The following CADM1 variants were observed in gnomAD, a reference collection of about 807,000 sequenced individuals.
The protein encoded by CADM1 is TSLC-1.
In CADM1, 15 loss-of-function variants were observed where a neutral mutation model predicts 53.1. That is an observed-to-expected ratio of 0.28 (90% CI 0.19 to 0.44). The LOEUF (loss-of-function observed/expected upper bound fraction) is 0.44. Ranked by LOEUF, CADM1 falls within the 20% of genes least tolerant of loss-of-function variation. The pLI, the probability that CADM1 is intolerant of heterozygous loss-of-function variation, is 1.00. For synonymous variants in CADM1, 281 were observed against 243.0 expected, an observed-to-expected ratio of 1.16 and a Z score of -1.45; for missense variants, 434 against 611.3, an observed-to-expected ratio of 0.71 and a Z score of 3.06.
chr11:115,282,671 C>G (rs1943619774), intron 1 of CADM1, among the ~76,000 whole-genome samples: 1 of 152,112 alleles, frequency 6.6e-6, no homozygotes, highest in South Asian at 2.1e-4. Flanking sequence ...AGACAGATGA[C>G]CAAGGCAGCT....
chr11:115,362,244 G>A (rs951601579), intron 1 of CADM1, among the ~76,000 whole-genome samples: 4 of 152,050 alleles, frequency 2.6e-5, no homozygotes, highest in African/African-American at 9.7e-5. Flanking sequence ...GAAGCACTTA[G>A]TATAAAATAA....
chr11:115,487,633 T>C (rs1949405658), intron 1 of CADM1, among the ~76,000 whole-genome samples: 1 of 152,184 alleles, frequency 6.6e-6, no homozygotes, highest in Admixed American at 6.5e-5. Flanking sequence ...GAATGGAATA[T>C]AATGCTTGAG....
At chr11:115,213,646 G>C (rs915766625) in intron 7 of CADM1, among the ~76,000 whole-genome samples, 1 of 152,058 alleles carries the variant, frequency 6.6e-6, no homozygotes, top group Non-Finnish European at 1.5e-5. Flanking sequence ...TATTTCAAAG[G>C]TATAATTTAT....
At chr11:115,255,125 G>A (rs182010160) in intron 1 of CADM1, among the ~76,000 whole-genome samples, 39 of 152,228 alleles carry the variant, frequency 2.6e-4, no homozygotes, top group African/African-American at 7.2e-4. Flanking sequence ...GAGGTCAGGC[G>A]CACGGGCTTT....
chr11:115,407,366 T>G (rs1180120877), intron 1 of CADM1, among the ~76,000 whole-genome samples: 1 of 152,104 alleles, frequency 6.6e-6, no homozygotes, highest in Non-Finnish European at 1.5e-5. Context: ...GCTGGATGAG[T>G]TCAATGCAAA....
intron 1 of CADM1, among the ~76,000 whole-genome samples, chr11:115,437,488 C>T (rs535410228): frequency 9.8e-5 from 15 of 152,298 alleles, no homozygotes; most frequent in African/African-American, 3.6e-4. Flanking sequence ...AAAAACAAAT[C>T]AGCGCAGGAA....
chr11:115,260,738 T>C (rs945529199), intron 1 of CADM1, among the ~76,000 whole-genome samples: 3 of 152,152 alleles, frequency 2.0e-5, no homozygotes. Flanking sequence ...AGTGGCACGA[T>C]CTTGGCTCAC....
At chr11:115,486,803 C>T (rs746117243) in intron 1 of CADM1, among the ~76,000 whole-genome samples, 18 of 152,178 alleles carry the variant, frequency 1.2e-4, no homozygotes, top group Non-Finnish European at 1.9e-4. Flanking sequence ...CTTCTCACCT[C>T]TTTCTCAATA....
At chr11:115,228,678 T>C (rs1479873228) in intron 5 of CADM1, among the ~76,000 whole-genome samples, 2 of 152,126 alleles carry the variant, frequency 1.3e-5, no homozygotes, top group South Asian at 4.1e-4. Context: ...TTTCAACTCA[T>C]TGCTCTAATT....
At chr11:115,350,515 T>C (rs1565380667) in intron 1 of CADM1, among the ~76,000 whole-genome samples, 1 of 150,546 alleles carries the variant, frequency 6.6e-6, no homozygotes, top group East Asian at 1.9e-4. Context: ...TTTTCTTTTT[T>C]TTTTTTTTAA....
chr11:115,278,943 A>T (rs1178421903), intron 1 of CADM1, among the ~76,000 whole-genome samples: 2 of 152,208 alleles, frequency 1.3e-5, no homozygotes, highest in Non-Finnish European at 2.9e-5. Flanking sequence ...ACTGCCGAAG[A>T]TGGGAAGCCT....
At chr11:115,484,895 C>T (rs1287239034) in intron 1 of CADM1, among the ~76,000 whole-genome samples, 1 of 150,042 alleles carries the variant, frequency 6.7e-6, no homozygotes, top group Non-Finnish European at 1.5e-5. Flanking sequence ...TGCAGTAAGC[C>T]GAGATTATGC....
At chr11:115,208,540 C>A (rs1940804084) in intron 8 of CADM1, among the ~76,000 whole-genome samples, 1 of 152,126 alleles carries the variant, frequency 6.6e-6, no homozygotes, top group Admixed American at 6.5e-5. Context: ...ATAAAGAAGT[C>A]CAGAGACAGG....
chr11:115,333,030 G>T (rs1040574603), intron 1 of CADM1, among the ~76,000 whole-genome samples: 2 of 152,038 alleles, frequency 1.3e-5, no homozygotes, highest in Non-Finnish European at 2.9e-5. Flanking sequence ...AGACTAGAAC[G>T]TCCAATTGCT....
intron 1 of CADM1, among the ~76,000 whole-genome samples, chr11:115,374,584 A>G (rs1196326784): frequency 1.3e-5 from 2 of 152,282 alleles, no homozygotes; most frequent in East Asian, 1.9e-4. Flanking sequence ...CTGACATCAC[A>G]TGCATACAAA....
At chr11:115,280,766 C>A (rs908810169) in intron 1 of CADM1, among the ~76,000 whole-genome samples, 1 of 152,194 alleles carries the variant, frequency 6.6e-6, no homozygotes, top group Admixed American at 6.5e-5. Context: ...ACCAGGCTGG[C>A]AGACAGGAGG....
intron 10 of CADM1, among the ~76,000 whole-genome samples, chr11:115,187,812 A>T (rs1188868490): frequency 6.6e-6 from 1 of 152,160 alleles, no homozygotes; most frequent in Non-Finnish European, 1.5e-5. Flanking sequence ...GTTCACCTAG[A>T]TTCTTCCTAA....
At chr11:115,502,182 G>C (rs779696013) in intron 1 of CADM1, among the ~76,000 whole-genome samples, 1 of 152,104 alleles carries the variant, frequency 6.6e-6, no homozygotes, top group Non-Finnish European at 1.5e-5. Flanking sequence ...ATATAGTACC[G>C]TTGCTACTAC....
Position 115,365,550 on chromosome 11 carries a change from T to TA in CADM1, c.125-125131dup, listed in dbSNP as rs978684132. ...TGACCTAATATCAAATATTGGCAAA[T>TA]AAAAAAACAAAAATATATATATACA... On this transcript the variant is annotated intron_variant, in intron 1 of 11. Coordinates refer to ENST00000331581, the MANE Select transcript of CADM1 (RefSeq NM_001301043.2). 3.2e-4 allele frequency among the ~76,000 whole-genome samples: 49 copies of TA among 151,922 alleles called. 1 individual carries two copies. Among genetic ancestry groups the TA allele is most frequent in the South Asian group, 3.1e-3 (15 of 4,802 alleles).
Sources: allele counts gnomAD v4.1 joint callset (sites outside exome capture counted in the v4.1 genomes callset), GRCh38; gene constraint gnomAD v4.1.1; transcripts MANE v1.5; gene names NCBI Gene and HGNC (gene_info 2026-07-23, HGNC 2026-07-21).